CEMIP: variants seen among roughly 807,000 people sequenced by gnomAD.
CEMIP encodes the protein cell migration inducing hyaluronidase 1, also known as cell migration-inducing and hyaluronan-binding protein.
A neutral mutation model predicts 156.9 loss-of-function variants in CEMIP; 105 were observed. The ratio of observed to expected loss-of-function variants is 0.67; its 90% confidence interval spans 0.57 to 0.79. CEMIP has a LOEUF of 0.79. Among genes scored for constraint, CEMIP ranks in the 30% least tolerant of loss-of-function variants. The probability of loss-of-function intolerance (pLI) is 0.00; values close to 1 mark genes in which losing one functional copy is unlikely to be tolerated. For synonymous variants in CEMIP, 676 were observed against 668.4 expected (o/e 1.01, Z -0.17); for missense variants, 1,457 against 1,769.4 (o/e 0.82, Z 3.17).
chr15:80,866,392 C>A (rs1385743040), intron 1 of CEMIP, among the ~76,000 whole-genome samples: 2 of 152,006 alleles, frequency 1.3e-5, no homozygotes, highest in Non-Finnish European at 2.9e-5. Context: ...GAGTTCAAGA[C>A]CAGCCTGACC....
In CEMIP at chr15:80,950,438, C is replaced by G. The variant is rs1301804847; in HGVS notation, c.*1514C>G. On this transcript the variant is annotated 3_prime_UTR_variant, in exon 30 of 30. Transcript: ENST00000394685. ...TAGAGTAGAATGACAGCTAGCAGAT[C>G]TCTTCCCTCCTGCTCCCAGCGCACA... 6.6e-6 allele frequency: 1 copy of G among 152,268 alleles called. No individual in the cohort carries two copies. The highest frequency in any genetic ancestry group is 1.9e-4 in the East Asian group (1 of 5,190). The allele number at this position is 152,268 out of a possible 1,614,324, so 9.4% of individuals were successfully genotyped here. A position where few individuals can be genotyped will look rare whatever the true frequency, so the allele number is the denominator to read the frequency against.
intron 6 of CEMIP, among the ~76,000 whole-genome samples, chr15:80,882,472 T>A (rs1212248853): frequency 6.6e-6 from 1 of 152,230 alleles, no homozygotes; most frequent in Non-Finnish European, 1.5e-5. Flanking sequence ...ACACAAAGTA[T>A]GTCAGGGAGC....
Position 80,925,604 on chromosome 15 carries a change from T to G in CEMIP, c.2289-20T>G. On this transcript the variant is annotated intron_variant, in intron 18 of 29. Coordinates refer to ENST00000394685, the MANE Select transcript of CEMIP (RefSeq NM_001293298.2). ...GCCCCCAACACCGCCACCTGTGCCCTCCCCATGGTTGTGCTGCAGATACAG... is the reference window on the plus strand; with the variant it reads ...GCCCCCAACACCGCCACCTGTGCCCGCCCCATGGTTGTGCTGCAGATACAG... 6.2e-7 allele frequency: 1 copy of G among 1,610,618 alleles called. No homozygotes were observed.
In CEMIP at chr15:80,815,066, C is replaced by T. The variant is rs1025344962; in HGVS notation, c.-176+35452C>T. 2.6e-5 allele frequency among the ~76,000 whole-genome samples: 4 copies of T among 152,220 alleles called. No homozygotes were observed. In the East Asian group the frequency reaches 7.7e-4, roughly 29 times the overall value. On this transcript the variant is annotated intron_variant, in intron 1 of 29. Transcript: ENST00000394685. ...TGAGAGGGTCTTTCAAAGGAGATCACAGTAGCAATTCACTTCTTTGGAAAA... is the reference window on the plus strand; with the variant it reads ...TGAGAGGGTCTTTCAAAGGAGATCATAGTAGCAATTCACTTCTTTGGAAAA...
In CEMIP at chr15:80,790,143, C is replaced by T. The variant is rs539996062; in HGVS notation, c.-176+10529C>T. ...AAAGAGTCCTTTCTTCATTCAGAGA[C>T]AGGACCCCTACTTGGCTCAAAGGCA... On this transcript the variant is annotated intron_variant, in intron 1 of 29. Transcript: ENST00000394685. Among the ~76,000 whole-genome samples, 4 of 152,350 alleles carry T rather than the reference C, an allele frequency of 2.6e-5. No individual in the cohort carries two copies. The South Asian group carries it at 8.3e-4, about 32-fold the overall frequency.
chr15:80,927,976 A>G (rs1360574300), intron 19 of CEMIP, among the ~76,000 whole-genome samples: 1 of 152,170 alleles, frequency 6.6e-6, no homozygotes, highest in Non-Finnish European at 1.5e-5. Flanking sequence ...ATTAGAGAGC[A>G]TGCCTGCCAC....
intron 1 of CEMIP, among the ~76,000 whole-genome samples, chr15:80,852,695 C>T (rs1402877037): frequency 1.3e-5 from 2 of 152,050 alleles, no homozygotes; most frequent in African/African-American, 4.8e-5. Flanking sequence ...ATAGTCTCAC[C>T]CCCTCCCTTT....
intron 1 of CEMIP, among the ~76,000 whole-genome samples, chr15:80,816,823 A>G (rs1596108988): frequency 1.3e-5 from 2 of 152,260 alleles, no homozygotes; most frequent in East Asian, 1.9e-4. Flanking sequence ...AGCACAAACC[A>G]GGTGAGCAAT....
chr15:80,895,247 A>T, intron 11 of CEMIP, 125 bp downstream of exon 11: 3 of 1,303,374 alleles, frequency 2.3e-6, no homozygotes, highest in Non-Finnish European at 3.3e-6. Flanking sequence ...CTTTTGTGAC[A>T]CGGGAGCAGT....
Position 80,933,220 on chromosome 15 carries a change from C to A in CEMIP, c.2794-25C>A, listed in dbSNP as rs888351215. ...AGTTTCCCTTCACCTTCTAGCCCTG[C>A]CTAACTTTCCTGGGCTCTGTTTAGA... On this transcript the variant is annotated intron_variant, in intron 22 of 29. Transcript: ENST00000394685. 6.9e-6 allele frequency: 11 copies of A among 1,602,230 alleles called. No individual in the cohort carries two copies. The African/African-American group carries it at 1.2e-4, about 18-fold the overall frequency.
In CEMIP at chr15:80,936,813, A is replaced by G; in HGVS notation, c.3149A>G (p.Gln1050Arg). 1 of 1,614,154 alleles carries G rather than the reference A, an allele frequency of 6.2e-7. No individual in the cohort carries two copies. The change falls in exon 24 of 30, where the codon CAG becomes CGG. Residue 1050 changes from glutamine to arginine, a missense_variant. Physicochemically the swap from Gln to Arg is conservative, Grantham distance 43. Coordinates refer to ENST00000394685, the MANE Select transcript of CEMIP (RefSeq NM_001293298.2). ...CAATACCAACCGGTTGTCACCCTGC[A>G]GAAGGGCTACACCATCCACTGGGAC... The part of the protein sequence containing the change: ...YQQYQPVVTL[Q>R]KGYTIHWDQT...
At chr15:80,896,256 C>T in intron 12 of CEMIP, 196 bp downstream of exon 12, 1 of 707,564 alleles carries the variant, frequency 1.4e-6, no homozygotes, top group Non-Finnish European at 2.5e-6. Context: ...GGATCAGCTT[C>T]TCTAGACTGA....
chr15:80,889,354 C>G, intron 9 of CEMIP, 117 bp from the exon 10 acceptor site: 1 of 1,432,016 alleles, frequency 7.0e-7, no homozygotes, highest in Non-Finnish European at 9.8e-7. Flanking sequence ...CCTGGTGCAA[C>G]CATGGACAGA....
rs1186141425 is a variant in CEMIP at position 80,902,687 on chromosome 15, A to C, written c.1412-3976A>C. On this transcript the variant is annotated intron_variant, in intron 12 of 29. Transcript: ENST00000394685. ...TGGCTGACGGGAGTCTGATAAACAC[A>C]GTGCCTCCACCTACCTGACAGTCAC... Among the ~76,000 whole-genome samples, 8 of 152,264 alleles carry C rather than the reference A, an allele frequency of 5.3e-5. No homozygotes were observed. The East Asian group carries it at 1.4e-3, about 26-fold the overall frequency.
chr15:80,918,182 G>A (rs1044953703), intron 14 of CEMIP, among the ~76,000 whole-genome samples: 1 of 152,148 alleles, frequency 6.6e-6, no homozygotes, highest in Non-Finnish European at 1.5e-5. Context: ...GGCTGAGGTG[G>A]GAAAATGGTT....
chr15:80,803,333 A>T (rs527423367), intron 1 of CEMIP, among the ~76,000 whole-genome samples: 6 of 152,316 alleles, frequency 3.9e-5, no homozygotes, highest in African/African-American at 1.2e-4. Flanking sequence ...ATGACTTCCC[A>T]TGGTCATCAG....
chr15:80,798,252 T>C lies in CEMIP; in HGVS notation c.-176+18638T>C, dbSNP rs371017029. The stretch of plus-strand genomic sequence containing the variant: ...CTGTATATTTTTTACATAACGTTGA[T>C]AGAATTTTACCTTATACGTAACACA... On this transcript the variant is annotated intron_variant, in intron 1 of 29. Coordinates refer to ENST00000394685, the MANE Select transcript of CEMIP (RefSeq NM_001293298.2). 4.3e-4 allele frequency among the ~76,000 whole-genome samples: 65 copies of C among 152,354 alleles called. No homozygotes were observed. The South Asian group carries it at 0.013, about 30-fold the overall frequency.
chr15:80,924,589 C>T lies in CEMIP; in HGVS notation c.2203-32C>T, dbSNP rs150122971. The T allele has an allele frequency of 3.9e-5, 63 of 1,598,014 alleles. No homozygotes were observed. In the Middle Eastern group the frequency reaches 5.0e-4, roughly 13 times the overall value. On this transcript the variant is annotated intron_variant, in intron 17 of 29. Transcript: ENST00000394685. ...CGATGCCTGTAGCCCACAGTAGAAA[C>T]TAATGTGTCCCTGAATATCTCTTCC...
intron 1 of CEMIP, among the ~76,000 whole-genome samples, chr15:80,798,598 T>C (rs1228701558): frequency 6.6e-6 from 1 of 152,216 alleles, no homozygotes; most frequent in Non-Finnish European, 1.5e-5. Flanking sequence ...TTGTATTTCT[T>C]TGATAACTGG....
Sources: gnomAD v4.1 joint callset for allele counts (sites outside exome capture counted in the v4.1 genomes callset) on GRCh38, gnomAD v4.1.1 for gene constraint, MANE v1.5 for transcripts, NCBI Gene and HGNC (gene_info 2026-07-23, HGNC 2026-07-21) for gene names.